Variants in SLC25A48 observed in about 807,000 individuals in gnomAD.
SLC25A48 encodes the protein solute carrier family 25 member 48.
A neutral mutation model predicts 32.2 loss-of-function variants in SLC25A48; 29 were observed. The observed-to-expected ratio is 0.90, with a 90% CI of 0.67 to 1.23. The LOEUF (loss-of-function observed/expected upper bound fraction) is 1.23. Ranked by LOEUF, SLC25A48 falls within the 50% of genes most tolerant of loss-of-function variation. The probability of loss-of-function intolerance (pLI) is 0.00; values close to 1 mark genes in which losing one functional copy is unlikely to be tolerated. For synonymous variants in SLC25A48, 164 were observed against 172.3 expected (o/e 0.95, Z 0.38); for missense variants, 399 against 422.7 (o/e 0.94, Z 0.49).
rs1191950686 is a variant in SLC25A48 at position 135,729,973 on chromosome 5, G to C, written c.-520-82550G>C. Among the ~76,000 whole-genome samples, 8 of 152,242 alleles carry C rather than the reference G, an allele frequency of 5.3e-5. No individual in the cohort carries two copies. The South Asian group carries it at 1.7e-3, about 32-fold the overall frequency. On this transcript the variant is annotated intron_variant, in intron 3 of 10. Coordinates refer to the SLC25A48 transcript ENST00000646290. The stretch of plus-strand genomic sequence containing the variant: ...TCCTGTCTCACGTGCTCAGAGCAAT[G>C]GGCAACTTCATCAGGTAAATCACTC...
At chr5:135,767,996 G>A (rs891900631) in intron 3 of SLC25A48, among the ~76,000 whole-genome samples, 4 of 146,998 alleles carry the variant, frequency 2.7e-5, no homozygotes, top group African/African-American at 1.0e-4. Context: ...ATATCACAGC[G>A]GGTGTACACA....
At chr5:135,752,864 C>G (rs1198018305) in intron 3 of SLC25A48, among the ~76,000 whole-genome samples, 1 of 151,938 alleles carries the variant, frequency 6.6e-6, no homozygotes, top group Non-Finnish European at 1.5e-5. Context: ...TCTACACACT[C>G]TGTGATATTA....
intron 3 of SLC25A48, among the ~76,000 whole-genome samples, chr5:135,692,476 T>G (rs946909325): frequency 1.3e-5 from 2 of 152,218 alleles, no homozygotes; most frequent in African/African-American, 4.8e-5. Context: ...AAACATATTT[T>G]GAAAAATCTG....
intron 3 of SLC25A48, among the ~76,000 whole-genome samples, chr5:135,775,775 C>G (rs1756540482): frequency 6.6e-6 from 1 of 151,604 alleles, no homozygotes; most frequent in South Asian, 2.1e-4. Flanking sequence ...GTACACCCCT[C>G]CTGCGATATG....
chr5:135,653,721 C>A, intron 3 of SLC25A48: 1 of 438,036 alleles, frequency 2.3e-6, no homozygotes, highest in South Asian at 1.7e-5. Context: ...TCCCCATAAG[C>A]TTCCTTTGGA....
At chr5:135,597,788 G>A (rs1751689131) in intron 1 of SLC25A48, among the ~76,000 whole-genome samples, 1 of 152,166 alleles carries the variant, frequency 6.6e-6, no homozygotes, top group South Asian at 2.1e-4. Context: ...CGGATCACCT[G>A]AGGTCAGGAA....
intron 3 of SLC25A48, among the ~76,000 whole-genome samples, chr5:135,773,611 C>T (rs12153608): frequency 0.3 from 45,819 of 151,098 alleles, 7,090 homozygotes; most frequent in East Asian, 0.46. Flanking sequence ...AGATATAATG[C>T]GAGAAGATTG....
At chr5:135,585,765 G>GATAATAATAATAATA (rs575237605) in intron 1 of SLC25A48, among the ~76,000 whole-genome samples, 8,600 of 151,228 alleles carry the variant, frequency 0.057, 260 homozygotes, top group South Asian at 0.11. Flanking sequence ...GTAAAAAGAA[G>GATAATAATAATAATA]ATAATAATAA....
Position 135,582,072 on chromosome 5 carries a change from T to G in SLC25A48, c.-849+2475T>G, listed in dbSNP as rs550630614. 1.1e-4 allele frequency among the ~76,000 whole-genome samples: 16 copies of G among 152,286 alleles called. No individual in the cohort carries two copies. In the East Asian group the frequency reaches 2.3e-3, roughly 22 times the overall value. ...GTGTGTGTATGCATGTGTGCAGATG[T>G]CAACACATTCATGGTCATACTGGAT... On this transcript the variant is annotated intron_variant, in intron 1 of 10. Transcript: ENST00000646290.
chr5:135,620,639 G>A (rs1046801557), intron 1 of SLC25A48, among the ~76,000 whole-genome samples: 4 of 152,084 alleles, frequency 2.6e-5, no homozygotes, highest in African/African-American at 9.7e-5. Context: ...CTCTGCTTGG[G>A]GAGTGGGGTT....
chr5:135,817,249 C>G (rs367556181), intron 4 of SLC25A48, among the ~76,000 whole-genome samples: 1 of 152,250 alleles, frequency 6.6e-6, no homozygotes, highest in East Asian at 1.9e-4. Context: ...AAACATCCAA[C>G]AGTGCACAGG....
intron 2 of SLC25A48, among the ~76,000 whole-genome samples, chr5:135,845,407 A>G (rs1194002842): frequency 6.6e-6 from 1 of 152,190 alleles, no homozygotes; most frequent in Non-Finnish European, 1.5e-5. Flanking sequence ...GAAGCTCTGG[A>G]GGGAAGCCCT....
chr5:135,885,625 C>A (rs913370793), intron 7 of SLC25A48, among the ~76,000 whole-genome samples: 1 of 152,200 alleles, frequency 6.6e-6, no homozygotes, highest in South Asian at 2.1e-4. Flanking sequence ...GCCTGTGCCC[C>A]CCTTCAGAGC....
At chr5:135,687,842 G>A (rs1366565360) in intron 3 of SLC25A48, among the ~76,000 whole-genome samples, 1 of 152,056 alleles carries the variant, frequency 6.6e-6, no homozygotes, top group African/African-American at 2.4e-5. Context: ...TTGCATATGG[G>A]CTTTCTGATA....
chr5:135,685,704 G>A (rs981724147), intron 3 of SLC25A48, among the ~76,000 whole-genome samples: 10 of 152,298 alleles, frequency 6.6e-5, no homozygotes, highest in Middle Eastern at 3.4e-3. Flanking sequence ...GATTACAGGC[G>A]TGAGCCACCG....
At chr5:135,602,559 C>T (rs1478331864) in intron 1 of SLC25A48, among the ~76,000 whole-genome samples, 1 of 150,616 alleles carries the variant, frequency 6.6e-6, no homozygotes, top group Admixed American at 6.6e-5. Context: ...AGCATTGCCA[C>T]CGGGGGCTTT....
chr5:135,754,278 A>G (rs1561477045), intron 3 of SLC25A48, among the ~76,000 whole-genome samples: 1 of 137,172 alleles, frequency 7.3e-6, no homozygotes, highest in Non-Finnish European at 1.7e-5. Context: ...GCAGGATATC[A>G]TAGTGCGTTG....
chr5:135,750,531 G>A (rs1338684425), intron 3 of SLC25A48, among the ~76,000 whole-genome samples: 7 of 152,102 alleles, frequency 4.6e-5, no homozygotes, highest in Non-Finnish European at 7.4e-5. Context: ...TATTCTCTCC[G>A]TCAAAGCATC....
intron 3 of SLC25A48, chr5:135,671,644 TC>T (rs1344449381): frequency 6.6e-6 from 1 of 152,142 alleles, no homozygotes; most frequent in Non-Finnish European, 1.5e-5. Flanking sequence ...TTTCTCACTT[TC>T]CCCGAGGGAG....
Sources: allele counts gnomAD v4.1 joint callset (sites outside exome capture counted in the v4.1 genomes callset), GRCh38; gene constraint gnomAD v4.1.1; transcripts MANE v1.5; gene names NCBI Gene and HGNC (gene_info 2026-07-23, HGNC 2026-07-21).